The following ERBB4 variants were observed in gnomAD, a reference collection of about 807,000 sequenced individuals.
ERBB4 encodes the protein erb-b2 receptor tyrosine kinase 4.
Under a neutral mutation model 158.0 loss-of-function variants are expected in ERBB4, and 42 were observed. The observed-to-expected ratio is 0.27, with a 90% CI of 0.21 to 0.34. The LOEUF is 0.34. ERBB4 is among the 10% of genes least tolerant of loss of function. ERBB4 has a pLI of 1.00. For missense variants in ERBB4, 1,333 were observed against 1,624.1 expected (o/e 0.82, Z 3.08); for synonymous variants, 583 against 558.7 (o/e 1.04, Z -0.61).
chr2:211,538,886 T>C (rs1450970141), intron 20 of ERBB4, among the ~76,000 whole-genome samples: 1 of 151,882 alleles, frequency 6.6e-6, no homozygotes. Context: ...AGTTAATGAT[T>C]CCACTATAGT....
At chr2:211,827,033 C>T (rs553946613) in intron 3 of ERBB4, among the ~76,000 whole-genome samples, 33 of 151,828 alleles carry the variant, frequency 2.2e-4, no homozygotes, top group Non-Finnish European at 3.5e-4. Context: ...ATCCTGGGGG[C>T]TATGAAATAC....
chr2:212,163,320 G>GA (rs755683935), intron 1 of ERBB4, among the ~76,000 whole-genome samples: 3 of 151,804 alleles, frequency 2.0e-5, no homozygotes, highest in African/African-American at 4.8e-5. Flanking sequence ...TATGACAATT[G>GA]AAAAAACATA....
intron 25 of ERBB4, among the ~76,000 whole-genome samples, chr2:211,393,428 C>T (rs1017825600): frequency 1.3e-5 from 2 of 152,264 alleles, no homozygotes; most frequent in East Asian, 1.9e-4. Context: ...CCACATAGCC[C>T]GTCACTCTAT....
intron 20 of ERBB4, among the ~76,000 whole-genome samples, chr2:211,437,576 G>A (rs1177529828): frequency 6.6e-6 from 1 of 152,180 alleles, no homozygotes; most frequent in Non-Finnish European, 1.5e-5. Flanking sequence ...GCTGCCGGAA[G>A]CTAAAGGAAG....
At chr2:212,288,240 G>C (rs372013803) in intron 1 of ERBB4, among the ~76,000 whole-genome samples, 1 of 152,244 alleles carries the variant, frequency 6.6e-6, no homozygotes, top group East Asian at 1.9e-4. Flanking sequence ...GCTTGTGCTA[G>C]TTTAGACTAG....
At chr2:212,285,230 A>C (rs1349859558) in intron 1 of ERBB4, among the ~76,000 whole-genome samples, 2 of 152,168 alleles carry the variant, frequency 1.3e-5, no homozygotes, top group African/African-American at 4.8e-5. Flanking sequence ...ACGTGGTTGA[A>C]GGTAAGGGTG....
intron 7 of ERBB4, among the ~76,000 whole-genome samples, chr2:211,719,339 A>G (rs999290067): frequency 6.6e-6 from 1 of 152,118 alleles, no homozygotes; most frequent in African/African-American, 2.4e-5. Context: ...TGGACTCTGA[A>G]GGATTATTTT....
At chr2:212,426,505 T>TTTCG (rs777228839) in intron 1 of ERBB4, 1 of 363,670 alleles carries the variant, frequency 2.7e-6, no homozygotes, top group African/African-American at 2.3e-5. Context: ...CCTCAATCTC[T>TTTCG]TTATCTCTAC....
At chr2:212,168,083 A>G (rs75943138) in intron 1 of ERBB4, among the ~76,000 whole-genome samples, 1 of 139,482 alleles carries the variant, frequency 7.2e-6, no homozygotes, top group Non-Finnish European at 1.6e-5. Flanking sequence ...AAAAAAAAAA[A>G]CTTGTCTCAT....
intron 2 of ERBB4, among the ~76,000 whole-genome samples, chr2:211,969,940 T>C (rs2081405776): frequency 6.6e-6 from 1 of 152,074 alleles, no homozygotes; most frequent in Non-Finnish European, 1.5e-5. Context: ...CTTTGGGATT[T>C]CTTTGCTCTT....
chr2:211,544,966 G>C (rs2066904519), intron 20 of ERBB4, among the ~76,000 whole-genome samples: 1 of 151,988 alleles, frequency 6.6e-6, no homozygotes, highest in Non-Finnish European at 1.5e-5. Flanking sequence ...AATCGGTCAA[G>C]GGCTTGAACA....
At chr2:211,410,371 T>C (rs1262276359) in intron 25 of ERBB4, among the ~76,000 whole-genome samples, 1 of 152,216 alleles carries the variant, frequency 6.6e-6, no homozygotes, top group Non-Finnish European at 1.5e-5. Flanking sequence ...TTTCACCTCT[T>C]TCACATGTGT....
At chr2:211,716,541 T>C (rs1346293664) in intron 7 of ERBB4, among the ~76,000 whole-genome samples, 3 of 150,350 alleles carry the variant, frequency 2.0e-5, no homozygotes, top group African/African-American at 4.9e-5. Flanking sequence ...CCGGGCCTGG[T>C]GGCGGGCGCC....
At chr2:212,422,238 G>A (rs2091809108) in intron 1 of ERBB4, among the ~76,000 whole-genome samples, 1 of 152,146 alleles carries the variant, frequency 6.6e-6, no homozygotes, top group Non-Finnish European at 1.5e-5. Flanking sequence ...GGGAGCAGTG[G>A]TTCATGCTTT....
chr2:211,392,953 C>A (rs993146174), intron 25 of ERBB4, among the ~76,000 whole-genome samples: 3 of 152,150 alleles, frequency 2.0e-5, no homozygotes. Context: ...CCGCGCCCGG[C>A]TGGCTCTCAT....
intron 16 of ERBB4, among the ~76,000 whole-genome samples, chr2:211,653,711 A>T (rs1054515234): frequency 6.6e-6 from 1 of 151,980 alleles, no homozygotes; most frequent in Admixed American, 6.6e-5. Context: ...GTCTTGCTCT[A>T]TCCCCCAGGC....
intron 2 of ERBB4, among the ~76,000 whole-genome samples, chr2:212,110,215 G>A (rs2079361665): frequency 6.6e-6 from 1 of 152,186 alleles, no homozygotes; most frequent in Non-Finnish European, 1.5e-5. Context: ...AAAAATCTAA[G>A]CTATTTGGAA....
chr2:211,521,597 T>A (rs2066187291), intron 20 of ERBB4, among the ~76,000 whole-genome samples: 1 of 152,110 alleles, frequency 6.6e-6, no homozygotes, highest in African/African-American at 2.4e-5. Context: ...AACAACACAT[T>A]TTCAATGGAG....
chr2:212,476,014 T>G (rs1689370770), intron 1 of ERBB4, among the ~76,000 whole-genome samples: 1 of 152,046 alleles, frequency 6.6e-6, no homozygotes, highest in African/African-American at 2.4e-5. Flanking sequence ...CCATAGCAAT[T>G]ATTCTTTGCC....
Sources: gnomAD v4.1 joint callset for allele counts (sites outside exome capture counted in the v4.1 genomes callset) on GRCh38, gnomAD v4.1.1 for gene constraint, MANE v1.5 for transcripts, NCBI Gene and HGNC (gene_info 2026-07-23, HGNC 2026-07-21) for gene names.